The following HDAC4 variants were observed in gnomAD, a reference collection of about 807,000 sequenced individuals.
HDAC4 encodes histone deacetylase 4.
Under a neutral mutation model 135.1 loss-of-function variants are expected in HDAC4, and 16 were observed. The ratio of observed to expected loss-of-function variants is 0.12; its 90% confidence interval spans 0.08 to 0.18. HDAC4 has a LOEUF of 0.18. Ranked by LOEUF, HDAC4 falls within the 10% of genes least tolerant of loss-of-function variation. The pLI is 1.00. For synonymous variants in HDAC4, 685 were observed against 653.4 expected (o/e 1.05, Z -0.74); for missense variants, 1,143 against 1,511.8 (o/e 0.76, Z 4.05).
intron 2 of HDAC4, among the ~76,000 whole-genome samples, chr2:239,344,465 G>A (rs867675578): frequency 1.3e-5 from 2 of 152,022 alleles, no homozygotes; most frequent in Non-Finnish European, 2.9e-5. Flanking sequence ...CATTGACAGC[G>A]AATTTTCTGA....
chr2:239,179,107 G>A (rs141068800), intron 4 of HDAC4, among the ~76,000 whole-genome samples: 14 of 151,752 alleles, frequency 9.2e-5, no homozygotes, highest in South Asian at 2.1e-4. Context: ...TGGGGAGTGC[G>A]TGCGAGGCAG....
At position 239,302,322 on chromosome 2, in the gene HDAC4, A is replaced by C. The variant is rs970361205; in HGVS notation, c.22+50356T>G. ...GTGAGTTCATTTCAAAGTCAAGGGC[A>C]AGGCCACCCTGGCAGCAAATTCTTC... On this transcript the variant is annotated intron_variant, in intron 2 of 26. Transcript: ENST00000543185. Among the ~76,000 whole-genome samples the C allele has an allele frequency of 1.1e-4, 17 of 152,340 alleles. No individual in the cohort carries two copies. The Middle Eastern group carries it at 0.02, about 183-fold the overall frequency.
intron 7 of HDAC4, among the ~76,000 whole-genome samples, chr2:239,145,043 G>A (rs534587135): frequency 3.9e-4 from 59 of 152,356 alleles, no homozygotes; most frequent in Middle Eastern, 6.8e-3. Flanking sequence ...TTTACTGGGC[G>A]TGGCAGGAGG....
intron 1 of HDAC4, among the ~76,000 whole-genome samples, chr2:239,380,094 G>A (rs554668359): frequency 6.6e-6 from 1 of 152,202 alleles, no homozygotes; most frequent in South Asian, 2.1e-4. Flanking sequence ...GCGCGGCGTG[G>A]GCCCATGGGT....
chr2:239,053,611 T>G lies in HDAC4; in HGVS notation c.3089-10A>C, dbSNP rs1224901286. On this transcript the variant is annotated splice_polypyrimidine_tract_variant and intron_variant, in intron 25 of 26. Transcript: ENST00000543185. ...CAGCGCCAGTACTTGCCTGGGGTGGTGGGGTGAGGAAAGTCGCTCAGTGAC... is the reference window on the plus strand; with the variant it reads ...CAGCGCCAGTACTTGCCTGGGGTGGGGGGGTGAGGAAAGTCGCTCAGTGAC... 3 of 1,612,936 alleles carry G rather than the reference T, an allele frequency of 1.9e-6. No homozygotes were observed. The highest frequency in any genetic ancestry group is 2.2e-5 in the South Asian group (2 of 91,054).
intron 9 of HDAC4, among the ~76,000 whole-genome samples, chr2:239,137,070 T>C (rs1449295567): frequency 6.6e-6 from 1 of 152,256 alleles, no homozygotes; most frequent in Admixed American, 6.5e-5. Flanking sequence ...GGAGACGTTC[T>C]AATGTTTGCA....
intron 4 of HDAC4, among the ~76,000 whole-genome samples, chr2:239,178,549 C>A (rs1003896023): frequency 6.6e-6 from 1 of 152,146 alleles, no homozygotes; most frequent in Non-Finnish European, 1.5e-5. Context: ...CACCCAGATA[C>A]GTTTTCTTCT....
chr2:239,076,554 A>C (rs1305176871), intron 22 of HDAC4, among the ~76,000 whole-genome samples: 1 of 152,114 alleles, frequency 6.6e-6, no homozygotes, highest in African/African-American at 2.4e-5. Flanking sequence ...GCCTCAGAGC[A>C]AACCGAGCTT....
chr2:239,360,531 C>T (rs191593112), intron 1 of HDAC4, among the ~76,000 whole-genome samples: 10 of 152,354 alleles, frequency 6.6e-5, no homozygotes, highest in Admixed American at 5.2e-4. Flanking sequence ...TGATGAGCAC[C>T]TGCCCCGTGC....
chr2:239,068,844 C>T lies in HDAC4; in HGVS notation c.2751-237G>A. 1 of 567,874 alleles carries T rather than the reference C, an allele frequency of 1.8e-6. No individual in the cohort carries two copies. Among genetic ancestry groups the T allele is most frequent in the Non-Finnish European group, 3.3e-6 (1 of 305,574 alleles). The allele number at this position is 567,874 out of a possible 1,614,324, so 35.2% of individuals were successfully genotyped here. A position where few individuals can be genotyped will look rare whatever the true frequency, so the allele number is the denominator to read the frequency against. ...CTTCACAGTGCAAGCCAGCAAGCCC[C>T]ACGACACTTGCTTGGTGAGAGGGAG... On this transcript the variant is annotated intron_variant, in intron 22 of 26. Transcript: ENST00000543185. This position sits in a 1 kb window ranked among gnomAD's most constrained non-coding sequence, Gnocchi z 4.4.
intron 2 of HDAC4, among the ~76,000 whole-genome samples, chr2:239,295,782 G>C (rs2051852246): frequency 6.6e-6 from 1 of 152,096 alleles, no homozygotes; most frequent in South Asian, 2.1e-4. Context: ...AATGACTTTT[G>C]CACAAACAGA....
At chr2:239,123,095 G>A (rs1368581683) in intron 12 of HDAC4, among the ~76,000 whole-genome samples, 2 of 152,244 alleles carry the variant, frequency 1.3e-5, no homozygotes, top group Admixed American at 6.5e-5. Flanking sequence ...TCCAGTGAGA[G>A]TACCCGGTTT....
intron 1 of HDAC4, among the ~76,000 whole-genome samples, chr2:239,353,863 G>A (rs1234754187): frequency 2.0e-5 from 3 of 152,134 alleles, no homozygotes; most frequent in Non-Finnish European, 1.5e-5. Flanking sequence ...CATCAGCCTG[G>A]ATCCATAGAC....
At chr2:239,172,303 T>A (rs369226939) in intron 5 of HDAC4, among the ~76,000 whole-genome samples, 67,361 of 141,260 alleles carry the variant, frequency 0.48, 16,641 homozygotes, top group South Asian at 0.65. Flanking sequence ...AATATATATA[T>A]ATATATATAT....
Position 239,115,318 on chromosome 2 carries a change from G to T in HDAC4, c.1534-8C>A. 1 of 1,613,088 alleles carries T rather than the reference G, an allele frequency of 6.2e-7. No homozygotes were observed. Among genetic ancestry groups the T allele is most frequent in the Non-Finnish European group, 8.5e-7 (1 of 1,179,986 alleles). ...GCTTGGCTTGGGGATGATCTGCAAGGCGGAGGTAACACATGAAGCACAGAG... is the reference window on the plus strand; with the variant it reads ...GCTTGGCTTGGGGATGATCTGCAAGTCGGAGGTAACACATGAAGCACAGAG... On this transcript the variant is annotated splice_polypyrimidine_tract_variant and splice_region_variant and intron_variant, in intron 12 of 26. Transcript: ENST00000543185. This position sits in a 1 kb window ranked among gnomAD's most constrained non-coding sequence, Gnocchi z 6.3.
chr2:239,248,799 A>G (rs2048613626), intron 2 of HDAC4, among the ~76,000 whole-genome samples: 1 of 152,204 alleles, frequency 6.6e-6, no homozygotes, highest in Non-Finnish European at 1.5e-5. Context: ...AACTTTCAAA[A>G]GCAAACTGAC....
rs368038730 is a variant in HDAC4 at position 239,157,208 on chromosome 2, C to T, written c.612-435G>A. On this transcript the variant is annotated intron_variant, in intron 6 of 26. Transcript: ENST00000543185. The stretch of plus-strand genomic sequence containing the variant: ...AAGGTGAGTTCATAGGCAGCTGAGA[C>T]GGGGCAAAAAACGGTCTAAGAACAA... 4.3e-4 allele frequency among the ~76,000 whole-genome samples: 66 copies of T among 152,300 alleles called. No homozygotes were observed. In the South Asian group the frequency reaches 6.2e-3, roughly 14 times the overall value.
intron 2 of HDAC4, among the ~76,000 whole-genome samples, chr2:239,269,599 G>T (rs1048629609): frequency 3.3e-5 from 5 of 152,322 alleles, no homozygotes; most frequent in African/African-American, 9.6e-5. Flanking sequence ...GAGGAGGAGG[G>T]TCCTTATTCA....
intron 2 of HDAC4, among the ~76,000 whole-genome samples, chr2:239,255,556 A>G (rs1424948957): frequency 6.6e-6 from 1 of 152,184 alleles, no homozygotes; most frequent in Admixed American, 6.5e-5. Context: ...TGAAATAAGA[A>G]TTAAGTACAG....
Sources: allele counts gnomAD v4.1 joint callset (sites outside exome capture counted in the v4.1 genomes callset), GRCh38; gene constraint gnomAD v4.1.1; non-coding constraint Gnocchi (gnomAD v3.1); transcripts MANE v1.5; gene names NCBI Gene and HGNC (gene_info 2026-07-23, HGNC 2026-07-21).